The following TRMT2B variants were observed in gnomAD, a reference collection of about 807,000 sequenced individuals.
TRMT2B encodes tRNA methyltransferase 2B.
In TRMT2B, 34 loss-of-function variants were observed where a neutral mutation model predicts 39.7. The ratio of observed to expected loss-of-function variants is 0.86; its 90% CI spans 0.65 to 1.14. TRMT2B has a LOEUF of 1.14. Among genes scored for constraint, TRMT2B ranks in the 50% most tolerant of loss-of-function variants. The pLI, the probability that TRMT2B is intolerant of heterozygous loss-of-function variation, is 0.00. For synonymous variants in TRMT2B, 132 were observed against 137.3 expected, an observed-to-expected ratio of 0.96 and a Z score of 0.27; for missense variants, 318 against 377.2, an observed-to-expected ratio of 0.84 and a Z score of 1.30.
chrX:101,033,235 G>A (rs771145586), intron 7 of TRMT2B, among the ~76,000 whole-genome samples: 11 of 100,889 alleles, frequency 1.1e-4, no homozygotes, highest in South Asian at 9.4e-4. Flanking sequence ...CAGCCTGGGC[G>A]ACAAGAGCAA....
intron 7 of TRMT2B, among the ~76,000 whole-genome samples, chrX:101,026,046 AAGGG>A (rs778747153): frequency 7.7e-4 from 76 of 98,324 alleles, no homozygotes; most frequent in East Asian, 5.0e-3. Flanking sequence ...GGGAGGAAGG[AAGGG>A]AGGGAGGGAG....
the TRMT2B span, among the ~76,000 whole-genome samples, chrX:100,988,865 TATA>T: frequency 1.0e-5 from 1 of 99,377 alleles, no homozygotes; most frequent in South Asian, 4.5e-4. Context: ...TATATATATA[TATA>T]TATATATATA....
downstream of TRMT2B, among the ~76,000 whole-genome samples, chrX:101,005,749 C>T (rs1321747954): frequency 2.8e-5 from 3 of 105,343 alleles, no homozygotes; most frequent in Admixed American, 1.1e-4. Flanking sequence ...GGCATGATGG[C>T]GCATGCCTAT....
At chrX:101,030,089 G>A (rs757612905) in intron 7 of TRMT2B, among the ~76,000 whole-genome samples, 40 of 110,662 alleles carry the variant, frequency 3.6e-4, no homozygotes, top group African/African-American at 1.1e-3. Flanking sequence ...GTGAAACCCC[G>A]TCCCTACTAA....
chrX:100,992,161 A>T, the TRMT2B span, among the ~76,000 whole-genome samples: 2 of 111,636 alleles, frequency 1.8e-5, no homozygotes, highest in Non-Finnish European at 3.8e-5. Flanking sequence ...GTGTACATAT[A>T]TATCAATTTA....
At chrX:100,990,524 C>G in the TRMT2B span, 1 of 1,106,627 alleles carries the variant, frequency 9.0e-7, no homozygotes, top group Non-Finnish European at 1.2e-6. Context: ...TATCACATCC[C>G]TGAGAACCCC....
In TRMT2B at chrX:101,043,223, G is replaced by A. The variant is rs1286713593; in HGVS notation, c.-23-911C>T. Among the ~76,000 whole-genome samples the A allele has an allele frequency of 5.4e-5, 6 of 110,422 alleles. 1 individual carries two copies. The highest frequency in any genetic ancestry group is 7.6e-4 in the South Asian group (2 of 2,621). On this transcript the variant is annotated intron_variant, in intron 2 of 13. Transcript: ENST00000372936. ...AGAGGTTGCAGTCAGCCGAGATTGC[G>A]CCATTGCATTCCAGCGTGGGCAACA... is the stretch of plus-strand genomic sequence containing the variant.
At chrX:101,026,062 GAGGA>G (rs1197947031) in intron 7 of TRMT2B, among the ~76,000 whole-genome samples, 5 of 100,399 alleles carry the variant, frequency 5.0e-5, no homozygotes, top group Non-Finnish European at 1.0e-4. Flanking sequence ...GGGAGGGAGG[GAGGA>G]AGGAAGGAAG....
At chrX:100,987,416 T>C in the TRMT2B span, 2 of 1,210,835 alleles carry the variant, frequency 1.7e-6, no homozygotes, top group Non-Finnish European at 2.2e-6. Context: ...TCAGAAACCT[T>C]GAAAGAAGAA....
chrX:101,003,687 A>G, the TRMT2B span, among the ~76,000 whole-genome samples: 1 of 111,921 alleles, frequency 8.9e-6, no homozygotes, highest in Non-Finnish European at 1.9e-5. Flanking sequence ...CAAAGAGGAA[A>G]ATTACATGGA....
intron 7 of TRMT2B, among the ~76,000 whole-genome samples, chrX:101,033,983 C>T (rs1003136815): frequency 1.9e-4 from 21 of 110,109 alleles, no homozygotes; most frequent in Non-Finnish European, 3.0e-4. Context: ...GCTGGGATTA[C>T]AGGCATGCAC....
chrX:101,037,043 T>A lies in TRMT2B; in HGVS notation c.469A>T (p.Thr157Ser). Residue 157 changes from threonine (T) to serine (S), a missense_variant, in exon 6 of 14, where the codon ACC (threonine) becomes TCC (serine). Coordinates refer to ENST00000372936, the MANE Select transcript of TRMT2B (RefSeq NM_024917.6). ...PVINGYRNKS[T>S]FSVNRGPDGN... ...TCTGGACCTCGGTTCACAGAGAAGG[T>A]GGACTTATTTCGGTAACCATTGATG... The A allele has an allele frequency of 8.3e-7, 1 of 1,210,741 alleles. No homozygotes were observed.
chrX:100,974,351 ACTCTATCTCT>A, the TRMT2B span, among the ~76,000 whole-genome samples: 107 of 105,990 alleles, frequency 1.0e-3, 1 homozygote, highest in East Asian at 0.03. Flanking sequence ...ACACACACAT[ACTCTATCTCT>A]CTCTGTCTCT....
Position 101,016,229 on chromosome X carries a change from C to G in TRMT2B, c.1388+2742G>C, listed in dbSNP as rs768132041. ...GAAGAAGATACCAAACACCCGTTAGCAATCAAGCCCCATTTAATCTCCAAA... is the reference window on the plus strand; with the variant it reads ...GAAGAAGATACCAAACACCCGTTAGGAATCAAGCCCCATTTAATCTCCAAA... On this transcript the variant is annotated intron_variant, in intron 13 of 13. Transcript: ENST00000372936. Among the ~76,000 whole-genome samples the G allele has an allele frequency of 4.0e-3, 443 of 111,512 alleles. 2 individuals carry two copies. Among genetic ancestry groups the G allele is most frequent in the African/African-American group, 0.014 (428 of 30,753 alleles).
chrX:101,030,421 T>C (rs1039196597), intron 7 of TRMT2B, among the ~76,000 whole-genome samples: 4 of 103,457 alleles, frequency 3.9e-5, no homozygotes, highest in African/African-American at 1.5e-4. Flanking sequence ...GGCAGAAAGA[T>C]GGAAGCAGGA....
In TRMT2B at chrX:101,036,982, G is replaced by C; in HGVS notation, c.530C>G (p.Thr177Ser). 2 of 1,207,982 alleles carry C rather than the reference G, an allele frequency of 1.7e-6. No individual in the cohort carries two copies. Among genetic ancestry groups the C allele is most frequent in the Non-Finnish European group, 2.2e-6 (2 of 892,318 alleles). The stretch of plus-strand genomic sequence containing the variant: ...TACAACCTTCAACTGACCTCTCCAA[G>C]TTCCCAGGTAGAACCCCACAGTCTT... Reference protein sequence around the residue: ...NPKTVGFYLGTWRDGNVVCVQ... With the variant: ...NPKTVGFYLGSWRDGNVVCVQ... The change falls in exon 6 of 14, where the codon ACT becomes AGT. Residue 177 changes from threonine to serine, a missense_variant. Coordinates refer to ENST00000372936, the MANE Select transcript of TRMT2B (RefSeq NM_024917.6).
chrX:100,986,973 C>T, the TRMT2B span: 1 of 712,364 alleles, frequency 1.4e-6, no homozygotes, highest in Non-Finnish European at 2.0e-6. Context: ...ATTCTATAGT[C>T]AGTCCCATAT....
chrX:100,975,067 A>G, the TRMT2B span, among the ~76,000 whole-genome samples: 2 of 111,757 alleles, frequency 1.8e-5, no homozygotes, highest in African/African-American at 6.5e-5. Flanking sequence ...GACTTAATAT[A>G]AAAGTCTGAT....
the TRMT2B span, chrX:100,990,375 A>C: frequency 1.1e-6 from 1 of 929,914 alleles, no homozygotes; most frequent in Non-Finnish European, 1.3e-6. Flanking sequence ...AAAGAGAAAA[A>C]CAGAGGGAAA....
Sources: gnomAD v4.1 joint callset for allele counts (sites outside exome capture counted in the v4.1 genomes callset) on GRCh38, gnomAD v4.1.1 for gene constraint, MANE v1.5 for transcripts, NCBI Gene and HGNC (gene_info 2026-07-23, HGNC 2026-07-21) for gene names.